The following COL14A1 variants were observed in gnomAD, a reference collection of about 807,000 sequenced individuals.
COL14A1 encodes the protein collagen type XIV alpha 1 chain.
In COL14A1, 136 loss-of-function variants were observed where a neutral mutation model predicts 230.3. The ratio of observed to expected loss-of-function variants is 0.59; its 90% CI spans 0.51 to 0.68. The LOEUF (loss-of-function observed/expected upper bound fraction) is 0.68. Among genes scored for constraint, COL14A1 ranks in the 30% least tolerant of loss-of-function variants. The pLI is 0.00. For missense variants in COL14A1, 1,976 were observed against 2,215.8 expected (o/e 0.89, Z 2.17); for synonymous variants, 792 against 784.1 (o/e 1.01, Z -0.17).
chr8:120,173,646 GTC>G (rs1324875340), intron 5 of COL14A1, among the ~76,000 whole-genome samples: 1 of 121,994 alleles, frequency 8.2e-6, no homozygotes, highest in Non-Finnish European at 1.8e-5. Flanking sequence ...TGTATTATCT[GTC>G]TCTATCTATC....
intron 2 of COL14A1, among the ~76,000 whole-genome samples, chr8:120,149,539 G>C (rs1164784496): frequency 1.6e-4 from 25 of 152,166 alleles, no homozygotes; most frequent in Admixed American, 1.6e-3. Context: ...GGGCGGGCAA[G>C]TTGCTAAGCC....
chr8:120,194,439 C>T (rs1816956594), intron 5 of COL14A1, among the ~76,000 whole-genome samples: 1 of 152,128 alleles, frequency 6.6e-6, no homozygotes, highest in Non-Finnish European at 1.5e-5. Context: ...CCATACCCCA[C>T]ACTTATGCTT....
At chr8:120,324,029 G>A (rs1821563508) in intron 40 of COL14A1, among the ~76,000 whole-genome samples, 1 of 152,114 alleles carries the variant, frequency 6.6e-6, no homozygotes, top group Non-Finnish European at 1.5e-5. Context: ...TTGAGTACAT[G>A]TGGACACAAA....
At chr8:120,370,896 T>C in intron 47 of COL14A1, 1 of 1,221,508 alleles carries the variant, frequency 8.2e-7, no homozygotes, top group South Asian at 1.5e-5. Context: ...GTTTCTTCTG[T>C]AAATAAAACA....
intron 42 of COL14A1, among the ~76,000 whole-genome samples, chr8:120,334,586 AC>A (rs1460201836): frequency 0.066 from 2,170 of 32,820 alleles, 46 homozygotes; most frequent in African/African-American, 0.15. Context: ...ACACACAAAA[AC>A]ACACACACAC....
intron 4 of COL14A1, among the ~76,000 whole-genome samples, chr8:120,163,834 C>T (rs958638085): frequency 6.6e-6 from 1 of 152,064 alleles, no homozygotes; most frequent in African/African-American, 2.4e-5. Flanking sequence ...AGGAGACATT[C>T]ATTCATTCTT....
chr8:120,346,910 T>C (rs1034442931), intron 45 of COL14A1, among the ~76,000 whole-genome samples: 1 of 152,228 alleles, frequency 6.6e-6, no homozygotes, highest in Non-Finnish European at 1.5e-5. Context: ...TGTGACCCAG[T>C]TCTGATTTTT....
At chr8:120,220,001 T>C (rs1817878754) in intron 14 of COL14A1, among the ~76,000 whole-genome samples, 1 of 152,140 alleles carries the variant, frequency 6.6e-6, no homozygotes, top group Non-Finnish European at 1.5e-5. Context: ...TGTGTGTGTG[T>C]GTTTTTCTTA....
At position 120,247,629 on chromosome 8, in the gene COL14A1, C is replaced by G; in HGVS notation, c.2496C>G (p.Pro832=). 6.2e-7 allele frequency: 1 copy of G among 1,614,004 alleles called. No individual in the cohort carries two copies. The highest frequency in any genetic ancestry group is 8.5e-7 in the Non-Finnish European group (1 of 1,180,006). The change falls in exon 21 of 48, where the codon CCC becomes CCG. Residue 832 remains proline, a synonymous_variant. Transcript: ENST00000297848. ...APGKTLPSSG[P]QNLRVSEEWY... ...TCTACTCAGTACCATCCTCGGGGCC[C>G]CAGAACTTGCGGGTGTCCGAGGAAT...
At chr8:120,275,255 A>G (rs538100905) in intron 26 of COL14A1, among the ~76,000 whole-genome samples, 7 of 152,148 alleles carry the variant, frequency 4.6e-5, no homozygotes, top group Non-Finnish European at 8.8e-5. Context: ...ATGACACCCT[A>G]TTTAATAAAT....
rs569102409 is a variant in COL14A1 at position 120,233,233 on chromosome 8, T to G, written c.2349+1615T>G. Among the ~76,000 whole-genome samples, 3 of 152,310 alleles carry G rather than the reference T, an allele frequency of 2.0e-5. No homozygotes were observed. The South Asian group carries it at 6.2e-4, about 32-fold the overall frequency. ...TCTGTAGGTTGCCTGTTCACTCTGA[T>G]GATAGTTTCTTTAGCTGTGCAGAAG... On this transcript the variant is annotated intron_variant, in intron 19 of 47. Coordinates refer to ENST00000297848, the MANE Select transcript of COL14A1 (RefSeq NM_021110.4).
At chr8:120,145,052 G>A (rs1371201134) in intron 1 of COL14A1, among the ~76,000 whole-genome samples, 2 of 152,034 alleles carry the variant, frequency 1.3e-5, no homozygotes, top group Admixed American at 1.3e-4. Context: ...AGTTATTGTA[G>A]ATCAATAAGA....
intron 19 of COL14A1, among the ~76,000 whole-genome samples, chr8:120,237,658 C>T (rs1016285293): frequency 2.0e-5 from 3 of 152,110 alleles, no homozygotes; most frequent in Non-Finnish European, 4.4e-5. Context: ...CTCTTGCTGG[C>T]GAGGAGTTGC....
chr8:120,192,305 A>C (rs1182431494), intron 5 of COL14A1, among the ~76,000 whole-genome samples: 1 of 152,110 alleles, frequency 6.6e-6, no homozygotes, highest in Non-Finnish European at 1.5e-5. Flanking sequence ...TCACTTAGGA[A>C]GCTTAGTTTG....
chr8:120,366,008 T>C (rs1823396796), intron 45 of COL14A1, among the ~76,000 whole-genome samples: 1 of 152,196 alleles, frequency 6.6e-6, no homozygotes. Flanking sequence ...ATATGTGCAG[T>C]GTAAAAACAA....
intron 5 of COL14A1, among the ~76,000 whole-genome samples, chr8:120,177,666 A>G (rs1816326023): frequency 6.8e-6 from 1 of 146,560 alleles, no homozygotes; most frequent in African/African-American, 2.5e-5. Context: ...AAAAAAAAAA[A>G]AAAAAAGACT....
At chr8:120,126,794 G>C (rs953151053) in intron 1 of COL14A1, among the ~76,000 whole-genome samples, 1 of 152,196 alleles carries the variant, frequency 6.6e-6, no homozygotes, top group Non-Finnish European at 1.5e-5. Flanking sequence ...TTTAGAATGA[G>C]TGAATGAATA....
intron 31 of COL14A1, among the ~76,000 whole-genome samples, chr8:120,282,975 G>A (rs1820085074): frequency 6.6e-6 from 1 of 152,040 alleles, no homozygotes; most frequent in African/African-American, 2.4e-5. Flanking sequence ...TCTCCCATTG[G>A]GTTCAGGGGT....
intron 14 of COL14A1, among the ~76,000 whole-genome samples, chr8:120,220,607 C>G (rs1817902731): frequency 6.6e-6 from 1 of 152,006 alleles, no homozygotes; most frequent in Non-Finnish European, 1.5e-5. Context: ...GATTTACACT[C>G]AATATTTTCT....
Sources: gnomAD v4.1 joint callset for allele counts (sites outside exome capture counted in the v4.1 genomes callset) on GRCh38, gnomAD v4.1.1 for gene constraint, MANE v1.5 for transcripts, NCBI Gene and HGNC (gene_info 2026-07-23, HGNC 2026-07-21) for gene names.